The following PCCB variants were observed in gnomAD, a reference collection of about 807,000 sequenced individuals.
The protein encoded by PCCB is propionyl-CoA carboxylase beta chain, mitochondrial.
PCCB carries 43 observed loss-of-function variants against 60.7 expected under a neutral mutation model. That is an observed-to-expected ratio of 0.71 (90% CI 0.55 to 0.91). The LOEUF (loss-of-function observed/expected upper bound fraction) is 0.91, where lower values mean the gene tolerates loss of function less well. Among genes scored for constraint, PCCB ranks in the 40% least tolerant of loss-of-function variants. PCCB has a pLI of 0.00. For missense variants in PCCB, 766 were observed against 702.8 expected (o/e 1.09, Z -1.02); for synonymous variants, 276 against 255.9 (o/e 1.08, Z -0.75).
intron 10 of PCCB, among the ~76,000 whole-genome samples, chr3:136,323,992 G>GTTT (rs774958157): frequency 9.3e-5 from 12 of 128,730 alleles, no homozygotes; most frequent in East Asian, 4.6e-4. Flanking sequence ...CCCAAGCTTT[G>GTTT]TTTTTTTTTT....
chr3:136,308,613 T>C (rs879733155), intron 9 of PCCB, among the ~76,000 whole-genome samples: 3 of 152,222 alleles, frequency 2.0e-5, no homozygotes, highest in Non-Finnish European at 2.9e-5. Context: ...TTTTGGACTT[T>C]ACACCCTGGT....
At chr3:136,296,358 T>C (rs1367412519) in intron 7 of PCCB, among the ~76,000 whole-genome samples, 2 of 152,242 alleles carry the variant, frequency 1.3e-5, no homozygotes, top group South Asian at 4.1e-4. Flanking sequence ...TGGAATCATA[T>C]AATATGTGAT....
Position 136,316,958 on chromosome 3 carries a change from A to AT in PCCB, c.990dup (p.Glu331Ter), listed in dbSNP as rs786200983. The AT allele has an allele frequency of 6.8e-5, 110 of 1,614,080 alleles. No individual in the cohort carries two copies. The African/African-American group carries it at 1.4e-3, about 20-fold the overall frequency. The stretch of plus-strand genomic sequence containing the variant: ...TCCTGCAGGTTGTTGATGAGCGTGA[A>AT]TTTTTTGAGATCATGCCCAATTATG... On this transcript the variant is annotated frameshift_variant, in exon 10 of 15. Coordinates refer to ENST00000251654, the MANE Select transcript of PCCB (RefSeq NM_000532.5). LOFTEE classifies it high-confidence loss of function.
rs923951408 is a variant in PCCB at position 136,326,929 on chromosome 3, G to C, written c.1198+19G>C. On this transcript the variant is annotated intron_variant, in intron 11 of 14. Coordinates refer to ENST00000251654, the MANE Select transcript of PCCB (RefSeq NM_000532.5). ...CTACCTGGTAAGTTTTTGACAGAGT[G>C]GGGGCTAGGAGAGTTGCCTTTCCCA... is the stretch of plus-strand genomic sequence containing the variant. 2 of 1,502,100 alleles carry C rather than the reference G, an allele frequency of 1.3e-6. No homozygotes were observed. The highest frequency in any genetic ancestry group is 9.3e-7 in the Non-Finnish European group (1 of 1,078,070). The allele number at this position is 1,502,100 out of a possible 1,614,324, so 93.0% of individuals were successfully genotyped here. A position where few individuals can be genotyped will look rare whatever the true frequency, so the allele number is the denominator to read the frequency against.
chr3:136,309,032 G>A (rs970870913), intron 9 of PCCB, among the ~76,000 whole-genome samples: 1 of 152,118 alleles, frequency 6.6e-6, no homozygotes, highest in Non-Finnish European at 1.5e-5. Context: ...GGAGGCCGAG[G>A]CAGGTGGATT....
At chr3:136,259,126 A>C (rs1416557197) in intron 3 of PCCB, 3 of 1,439,844 alleles carry the variant, frequency 2.1e-6, no homozygotes, top group South Asian at 1.6e-5. Context: ...TAAGCAGAAG[A>C]AGCAGTGAGA....
chr3:136,312,226 G>C (rs1040232520), intron 9 of PCCB, among the ~76,000 whole-genome samples: 75 of 152,246 alleles, frequency 4.9e-4, no homozygotes, highest in African/African-American at 1.8e-3. Context: ...CCATCATAGA[G>C]TGTACTTCCA....
chr3:136,321,506 A>G (rs1452194169), intron 10 of PCCB, among the ~76,000 whole-genome samples: 2 of 152,234 alleles, frequency 1.3e-5, no homozygotes, highest in Non-Finnish European at 2.9e-5. Flanking sequence ...CGTTCTTCAC[A>G]TGGCAGCAGG....
intron 9 of PCCB, 35 bp downstream of exon 9, chr3:136,301,146 G>C: frequency 6.5e-7 from 1 of 1,534,726 alleles, no homozygotes; most frequent in Non-Finnish European, 9.0e-7. Context: ...GCCTGTCCTA[G>C]TCAGCCACAT....
intron 3 of PCCB, among the ~76,000 whole-genome samples, chr3:136,257,518 T>C (rs947818037): frequency 4.6e-5 from 7 of 152,208 alleles, no homozygotes; most frequent in Non-Finnish European, 7.3e-5. Context: ...TAATTTGTTA[T>C]AGCGGTAATA....
chr3:136,315,624 A>C (rs1254534047), intron 9 of PCCB, among the ~76,000 whole-genome samples: 1 of 152,080 alleles, frequency 6.6e-6, no homozygotes, highest in South Asian at 2.1e-4. Flanking sequence ...TGAGGCCAAG[A>C]GTTTGAGACC....
chr3:136,287,524 C>T (rs1181954914), intron 6 of PCCB, among the ~76,000 whole-genome samples: 6 of 152,012 alleles, frequency 3.9e-5, no homozygotes, highest in Admixed American at 3.9e-4. Context: ...CCTTTGCCTC[C>T]TCGGTTTAAG....
rs373042366 is a variant in PCCB, at chr3:136,260,631, TG to T, written c.429+100del. Reference sequence around the variant, plus strand: ...GGTACAAGACACTGAGCTAGGTACTTGGGGTAGGGCAGAGGTATGCAAGATG... The same window carrying T: ...GGTACAAGACACTGAGCTAGGTACTTGGGTAGGGCAGAGGTATGCAAGATG... On this transcript the variant is annotated intron_variant, in intron 4 of 14. Transcript: ENST00000251654. 122 of 1,055,774 alleles carry T rather than the reference TG, an allele frequency of 1.2e-4. No individual in the cohort carries two copies. In the African/African-American group the frequency reaches 1.7e-3, roughly 15 times the overall value. 65.4% of individuals were successfully genotyped at this position (1,055,774 alleles called of 1,614,324 possible).
intron 9 of PCCB, among the ~76,000 whole-genome samples, chr3:136,306,645 A>G (rs986274510): frequency 3.3e-5 from 4 of 122,678 alleles, no homozygotes; most frequent in African/African-American, 1.0e-4. Flanking sequence ...ATAAAATTTT[A>G]AAATAGTACA....
At position 136,267,488 on chromosome 3, in the gene PCCB, G is replaced by T. The variant is rs1431239511; in HGVS notation, c.543+5423G>T. 5.9e-5 allele frequency among the ~76,000 whole-genome samples: 9 copies of T among 152,156 alleles called. No homozygotes were observed. The South Asian group carries it at 1.9e-3, about 32-fold the overall frequency. The stretch of plus-strand genomic sequence containing the variant: ...TTACAAGCCACTGCCCCAAGCCTGT[G>T]GTGGCTTTTTTTTTGAGCTAGGGTC... On this transcript the variant is annotated intron_variant, in intron 5 of 14. Transcript: ENST00000251654.
Position 136,260,592 on chromosome 3 carries a change from T to C in PCCB, c.429+57T>C, listed in dbSNP as rs373977239. 1.3e-4 allele frequency: 179 copies of C among 1,375,522 alleles called. 1 individual carries two copies. The African/African-American group carries it at 2.0e-3, about 16-fold the overall frequency. 85.2% of individuals were successfully genotyped at this position (1,375,522 alleles called of 1,614,324 possible). On this transcript the variant is annotated intron_variant, in intron 4 of 14. Coordinates refer to ENST00000251654, the MANE Select transcript of PCCB (RefSeq NM_000532.5). ...GCTTTCCTCAGTTACATAGTGCTTA[T>C]TGAGTATCTTTGGGGTACAAGACAC...
At chr3:136,271,540 G>A (rs1356030087) in intron 5 of PCCB, among the ~76,000 whole-genome samples, 2 of 151,764 alleles carry the variant, frequency 1.3e-5, no homozygotes, top group African/African-American at 2.4e-5. Context: ...TTTCAGCAGC[G>A]TTTTGTAGTT....
intron 5 of PCCB, among the ~76,000 whole-genome samples, chr3:136,275,891 TTCCCGA>T (rs1942320699): frequency 6.6e-6 from 1 of 152,060 alleles, no homozygotes; most frequent in Admixed American, 6.6e-5. Flanking sequence ...CTGCCTCAGC[TTCCCGA>T]GTAGCTGGGA....
At chr3:136,316,177 A>C (rs1576352174) in intron 9 of PCCB, among the ~76,000 whole-genome samples, 1 of 151,658 alleles carries the variant, frequency 6.6e-6, no homozygotes, top group African/African-American at 2.4e-5. Context: ...CCATAATTGC[A>C]CCACTGCATT....
Sources: gnomAD v4.1 joint callset for allele counts (sites outside exome capture counted in the v4.1 genomes callset) on GRCh38, gnomAD v4.1.1 for gene constraint, MANE v1.5 for transcripts, NCBI Gene and HGNC (gene_info 2026-07-23, HGNC 2026-07-21) for gene names.